Variants in CADPS2 observed in about 807,000 individuals in gnomAD.
CADPS2 encodes calcium-dependent secretion activator 2.
In CADPS2, 93 loss-of-function variants were observed where a neutral mutation model predicts 172.5. The ratio of observed to expected loss-of-function variants is 0.54; its 90% CI spans 0.46 to 0.64. The LOEUF is 0.64. Among genes scored for constraint, CADPS2 ranks in the 30% least tolerant of loss-of-function variants. The pLI, the probability that CADPS2 is intolerant of heterozygous loss-of-function variation, is 0.00. For synonymous variants in CADPS2, 546 were observed against 555.2 expected (o/e 0.98, Z 0.23); for missense variants, 1,420 against 1,565.9 (o/e 0.91, Z 1.57).
At chr7:122,527,617 A>AGAGAGAGAGAGAGAGGGT in intron 8 of CADPS2, among the ~76,000 whole-genome samples, 1 of 83,806 alleles carries the variant, frequency 1.2e-5, no homozygotes, top group Non-Finnish European at 2.6e-5. Context: ...AGAGAGAGAG[A>AGAGAGAGAGAGAGAGGGT]GTGTGTGTGT....
chr7:122,871,330 T>G (rs1331457040), intron 1 of CADPS2, among the ~76,000 whole-genome samples: 3 of 152,174 alleles, frequency 2.0e-5, no homozygotes, highest in Admixed American at 1.3e-4. Flanking sequence ...ATTTTCTATT[T>G]GCAGGATACT....
At chr7:122,547,098 A>G (rs973234251) in intron 8 of CADPS2, among the ~76,000 whole-genome samples, 5 of 150,306 alleles carry the variant, frequency 3.3e-5, no homozygotes, top group Admixed American at 6.6e-5. Context: ...TTTAATTTTT[A>G]TAAGTATTGG....
intron 4 of CADPS2, among the ~76,000 whole-genome samples, chr7:122,622,624 T>A (rs779542172): frequency 6.6e-6 from 1 of 152,202 alleles, no homozygotes; most frequent in Non-Finnish European, 1.5e-5. Flanking sequence ...TCTTTAATGT[T>A]TGCCAACCTG....
intron 11 of CADPS2, among the ~76,000 whole-genome samples, chr7:122,487,450 A>C (rs928249089): frequency 6.6e-6 from 1 of 152,226 alleles, no homozygotes; most frequent in African/African-American, 2.4e-5. Flanking sequence ...TCAAAACCCA[A>C]TAAGAAAATA....
intron 2 of CADPS2, chr7:122,702,049 T>G (rs756183058): frequency 1.2e-6 from 2 of 1,613,640 alleles, no homozygotes; most frequent in East Asian, 2.2e-5. Context: ...GGTCAATAGC[T>G]TTCTTCACAT....
chr7:122,368,448 T>C (rs2041271657), intron 25 of CADPS2, among the ~76,000 whole-genome samples: 1 of 152,168 alleles, frequency 6.6e-6, no homozygotes. Flanking sequence ...GGCCAAATCC[T>C]GGCTCTGCTG....
At chr7:122,481,016 AT>A (rs1314277992) in intron 11 of CADPS2, among the ~76,000 whole-genome samples, 156 bp from the exon 12 acceptor site, 1 of 152,150 alleles carries the variant, frequency 6.6e-6, no homozygotes, top group African/African-American at 2.4e-5. Context: ...GAAAACAAAA[AT>A]TGATTATGTA....
chr7:122,737,632 A>C (rs757534126), intron 1 of CADPS2, among the ~76,000 whole-genome samples: 4 of 152,192 alleles, frequency 2.6e-5, no homozygotes, highest in South Asian at 2.1e-4. Context: ...GTGGAATCCA[A>C]ATTTCTACCC....
intron 6 of CADPS2, among the ~76,000 whole-genome samples, chr7:122,593,566 C>T (rs1331328604): frequency 6.6e-6 from 1 of 152,022 alleles, no homozygotes; most frequent in Non-Finnish European, 1.5e-5. Context: ...CAGCACATCT[C>T]ATAGAAAGTG....
At chr7:122,508,392 A>G (rs2059766671) in intron 9 of CADPS2, among the ~76,000 whole-genome samples, 1 of 146,060 alleles carries the variant, frequency 6.8e-6, no homozygotes, top group East Asian at 2.1e-4. Context: ...AAGAAGGAGG[A>G]TTGTTAAAGT....
intron 2 of CADPS2, among the ~76,000 whole-genome samples, chr7:122,689,001 A>G (rs2083982399): frequency 6.6e-6 from 1 of 152,108 alleles, no homozygotes. Flanking sequence ...CAAGCCTTAC[A>G]TTCCACCCCC....
At chr7:122,389,661 CAT>C (rs1563214494) in intron 22 of CADPS2, among the ~76,000 whole-genome samples, 1 of 151,890 alleles carries the variant, frequency 6.6e-6, no homozygotes, top group East Asian at 1.9e-4. Flanking sequence ...TACATTAAAA[CAT>C]ATTGAAATTT....
intron 1 of CADPS2, among the ~76,000 whole-genome samples, chr7:122,860,236 A>AT (rs531930518): frequency 8.7e-5 from 13 of 149,692 alleles, no homozygotes; most frequent in South Asian, 2.1e-4. Context: ...CTGACACAAC[A>AT]TTTTTTTTTT....
chr7:122,748,540 T>A (rs755222004), intron 1 of CADPS2, among the ~76,000 whole-genome samples: 6 of 152,174 alleles, frequency 3.9e-5, no homozygotes, highest in Admixed American at 1.3e-4. Context: ...ACAATGGCCT[T>A]TTCCAGCAGG....
chr7:122,727,978 A>AT (rs1035065146), intron 2 of CADPS2, among the ~76,000 whole-genome samples: 1 of 151,876 alleles, frequency 6.6e-6, no homozygotes, highest in Admixed American at 6.6e-5. Context: ...ATGTGTTGAC[A>AT]TTTTTTATCT....
At chr7:122,860,459 TC>T (rs1816649926) in intron 1 of CADPS2, among the ~76,000 whole-genome samples, 1 of 152,064 alleles carries the variant, frequency 6.6e-6, no homozygotes, top group Non-Finnish European at 1.5e-5. Flanking sequence ...TGTCTCAAAC[TC>T]CTGGCCTCAA....
chr7:122,476,719 T>C (rs1207510351), intron 12 of CADPS2, among the ~76,000 whole-genome samples: 1 of 152,000 alleles, frequency 6.6e-6, no homozygotes, highest in Non-Finnish European at 1.5e-5. Context: ...TTTAAGAAAA[T>C]CAACAACCTT....
At chr7:122,556,670 T>A (rs1263603019) in intron 7 of CADPS2, among the ~76,000 whole-genome samples, 1 of 152,138 alleles carries the variant, frequency 6.6e-6, no homozygotes, top group African/African-American at 2.4e-5. Context: ...CTGCCACATT[T>A]TATTTTTTGA....
At chr7:122,593,789 A>T (rs374911817) in intron 6 of CADPS2, among the ~76,000 whole-genome samples, 3 of 152,016 alleles carry the variant, frequency 2.0e-5, no homozygotes, top group African/African-American at 7.2e-5. Context: ...GGAGAAAGAG[A>T]GAGGAAGAAA....
Sources: allele counts gnomAD v4.1 joint callset (sites outside exome capture counted in the v4.1 genomes callset), GRCh38; gene constraint gnomAD v4.1.1; transcripts MANE v1.5; gene names NCBI Gene and HGNC (gene_info 2026-07-23, HGNC 2026-07-21).